RBMS3: variants seen among roughly 807,000 people sequenced by gnomAD.
RBMS3 encodes RNA binding motif single stranded interacting protein 3.
In RBMS3, 27 loss-of-function variants were observed where a neutral mutation model predicts 66.8. The ratio of observed to expected loss-of-function variants is 0.40; its 90% CI spans 0.30 to 0.56. The LOEUF (loss-of-function observed/expected upper bound fraction) is 0.56, where lower values mean the gene tolerates loss of function less well. Among genes scored for constraint, RBMS3 ranks in the 20% least tolerant of loss-of-function variants. The pLI is 0.40. For missense variants in RBMS3, 513 were observed against 549.5 expected (o/e 0.93, Z 0.66); for synonymous variants, 188 against 183.0 (o/e 1.03, Z -0.22).
intron 2 of RBMS3, 100 bp from the exon 3 acceptor site, chr3:29,488,341 A>G: frequency 3.3e-6 from 3 of 916,072 alleles, no homozygotes; most frequent in East Asian, 2.7e-5. Flanking sequence ...TTCTTGGTTT[A>G]TGCATGCTCA....
chr3:29,439,319 A>G (rs2041522849), intron 2 of RBMS3, among the ~76,000 whole-genome samples: 1 of 152,224 alleles, frequency 6.6e-6, no homozygotes, highest in South Asian at 2.1e-4. Flanking sequence ...CTCCAGCTGC[A>G]GAGTACGGAG....
At chr3:29,972,810 G>GCAT (rs1248614950) in intron 12 of RBMS3, among the ~76,000 whole-genome samples, 8 of 150,802 alleles carry the variant, frequency 5.3e-5, no homozygotes, top group Admixed American at 5.3e-4. Context: ...TTTGGCTAAA[G>GCAT]CATCTTTACC....
At chr3:29,382,025 G>A (rs1575666580) in intron 1 of RBMS3, among the ~76,000 whole-genome samples, 1 of 152,010 alleles carries the variant, frequency 6.6e-6, no homozygotes, top group East Asian at 1.9e-4. Context: ...TGAAAAATCA[G>A]TATCATAGTG....
intron 4 of RBMS3, among the ~76,000 whole-genome samples, chr3:29,628,179 G>C (rs1027979099): frequency 6.6e-6 from 1 of 152,096 alleles, no homozygotes; most frequent in African/African-American, 2.4e-5. Flanking sequence ...AACTGTAGTT[G>C]GCTAATTAAT....
intron 6 of RBMS3, among the ~76,000 whole-genome samples, chr3:29,843,570 C>T (rs1483233106): frequency 1.3e-5 from 2 of 152,094 alleles, no homozygotes; most frequent in African/African-American, 4.8e-5. Flanking sequence ...TGTATCGAGC[C>T]ACGGACGTTG....
At chr3:29,990,460 CAAAAAAAAAAAAAAA>C (rs10596526) in intron 13 of RBMS3, among the ~76,000 whole-genome samples, 2 of 106,514 alleles carry the variant, frequency 1.9e-5, no homozygotes, top group African/African-American at 7.2e-5. Context: ...CTGTGAGAAA[CAAAAAAAAAAAAAAA>C]AAAAAAAATA....
chr3:29,435,299 G>A (rs1286260122), intron 2 of RBMS3, among the ~76,000 whole-genome samples: 1 of 152,110 alleles, frequency 6.6e-6, no homozygotes, highest in African/African-American at 2.4e-5. Flanking sequence ...ACTCAGAAGC[G>A]GTGGATTTCA....
At chr3:29,334,590 CACTAAATATGG>C (rs2035843221) in intron 1 of RBMS3, among the ~76,000 whole-genome samples, 2 of 152,160 alleles carry the variant, frequency 1.3e-5, no homozygotes, top group South Asian at 4.1e-4. Flanking sequence ...AAGTCTGACA[CACTAAATATGG>C]ACTAAATGAG....
chr3:29,585,308 T>A (rs1375288349), intron 3 of RBMS3, among the ~76,000 whole-genome samples: 1 of 152,162 alleles, frequency 6.6e-6, no homozygotes, highest in African/African-American at 2.4e-5. Flanking sequence ...TATATGGAAT[T>A]GTTTTATTCC....
intron 1 of RBMS3, among the ~76,000 whole-genome samples, chr3:29,305,282 C>A (rs1417832831): frequency 6.6e-6 from 1 of 151,906 alleles, no homozygotes; most frequent in Non-Finnish European, 1.5e-5. Flanking sequence ...CCTATTGTTA[C>A]TGGATATTTT....
At chr3:29,289,274 T>C (rs2032623617) in intron 1 of RBMS3, among the ~76,000 whole-genome samples, 1 of 151,962 alleles carries the variant, frequency 6.6e-6, no homozygotes, top group Non-Finnish European at 1.5e-5. Flanking sequence ...CATACATAAG[T>C]AGCAATGTTA....
chr3:29,752,870 G>C (rs970922054), intron 5 of RBMS3, among the ~76,000 whole-genome samples: 2 of 152,130 alleles, frequency 1.3e-5, no homozygotes, highest in Admixed American at 6.5e-5. Context: ...CATAGGTAAA[G>C]GCCCAGTCAA....
chr3:29,635,031 A>G lies in RBMS3; in HGVS notation c.399+47826A>G, dbSNP rs143430090. Among the ~76,000 whole-genome samples the G allele has an allele frequency of 4.9e-4, 74 of 152,050 alleles. 2 individuals carry two copies. The East Asian group carries it at 0.013, about 26-fold the overall frequency. ...TAATTTTCAGGCAATCTTACAAATC[A>G]CTACCAGACAAGTTTTACTAATCTT... On this transcript the variant is annotated intron_variant, in intron 4 of 14. Transcript: ENST00000383767.
chr3:29,641,651 G>A (rs150171253), intron 4 of RBMS3, among the ~76,000 whole-genome samples: 43 of 152,010 alleles, frequency 2.8e-4, no homozygotes, highest in African/African-American at 1.0e-3. Flanking sequence ...AAAAGATTTG[G>A]CCACTTGTTT....
chr3:29,430,851 A>T (rs939468560), intron 1 of RBMS3, among the ~76,000 whole-genome samples: 3 of 152,178 alleles, frequency 2.0e-5, no homozygotes, highest in Admixed American at 2.0e-4. Flanking sequence ...AGGGGAGGTG[A>T]AAGTGGTAGC....
At chr3:29,958,685 A>C (rs1017828987) in intron 12 of RBMS3, among the ~76,000 whole-genome samples, 1 of 152,192 alleles carries the variant, frequency 6.6e-6, no homozygotes, top group Non-Finnish European at 1.5e-5. Flanking sequence ...TTAGACTTTA[A>C]GTTCATTTGA....
chr3:29,722,792 C>T (rs2053697154), intron 4 of RBMS3, among the ~76,000 whole-genome samples: 1 of 151,890 alleles, frequency 6.6e-6, no homozygotes, highest in Non-Finnish European at 1.5e-5. Context: ...GCTGTGATGT[C>T]CTTCTCAGTG....
At chr3:29,981,758 T>C (rs1213938902) in intron 12 of RBMS3, among the ~76,000 whole-genome samples, 1 of 152,224 alleles carries the variant, frequency 6.6e-6, no homozygotes, top group African/African-American at 2.4e-5. Context: ...TGAAGCAGCC[T>C]TGCATCCCAG....
At chr3:29,418,972 C>T (rs1378779548) in intron 1 of RBMS3, among the ~76,000 whole-genome samples, 1 of 152,160 alleles carries the variant, frequency 6.6e-6, no homozygotes, top group Non-Finnish European at 1.5e-5. Flanking sequence ...TTCCATCATT[C>T]TATTCATTGT....
Sources: allele counts gnomAD v4.1 joint callset (sites outside exome capture counted in the v4.1 genomes callset), GRCh38; gene constraint gnomAD v4.1.1; transcripts MANE v1.5; gene names NCBI Gene and HGNC (gene_info 2026-07-23, HGNC 2026-07-21).